EPHA6: variants seen among roughly 807,000 people sequenced by gnomAD.
EPHA6 encodes the protein EPH receptor A6.
Under a neutral mutation model 112.0 loss-of-function variants are expected in EPHA6, and 50 were observed. That is an observed-to-expected ratio of 0.45 (90% confidence interval 0.36 to 0.56). The LOEUF (loss-of-function observed/expected upper bound fraction) is 0.56. EPHA6 is among the 20% of genes least tolerant of loss of function. EPHA6 has a pLI of 0.00. For missense variants in EPHA6, 1,280 were observed against 1,417.4 expected (o/e 0.90, Z 1.56); for synonymous variants, 529 against 490.7 (o/e 1.08, Z -1.03).
intron 3 of EPHA6, among the ~76,000 whole-genome samples, chr3:97,136,004 T>G (rs1172061436): frequency 6.6e-6 from 1 of 152,140 alleles, no homozygotes; most frequent in African/African-American, 2.4e-5. Context: ...TCTACTAAGG[T>G]ATTGGATCTA....
At chr3:97,016,780 G>A (rs952786873) in intron 3 of EPHA6, among the ~76,000 whole-genome samples, 3 of 152,052 alleles carry the variant, frequency 2.0e-5, no homozygotes, top group Admixed American at 6.6e-5. Flanking sequence ...GTTGGTTAAC[G>A]TGTTCTAGAA....
intron 5 of EPHA6, among the ~76,000 whole-genome samples, chr3:97,322,800 TA>T (rs970334596): frequency 1.3e-5 from 2 of 151,964 alleles, no homozygotes; most frequent in African/African-American, 4.8e-5. Flanking sequence ...ACTAAGACTT[TA>T]AAAAAATCTA....
chr3:96,834,651 C>G (rs368701963), intron 1 of EPHA6, among the ~76,000 whole-genome samples: 2 of 151,880 alleles, frequency 1.3e-5, no homozygotes, highest in South Asian at 2.1e-4. Context: ...ATTTTTAAAG[C>G]AGAGATAGCT....
chr3:97,327,983 A>ATATATGTATATGTGTATG (rs2082542483), intron 5 of EPHA6, among the ~76,000 whole-genome samples: 1 of 140,626 alleles, frequency 7.1e-6, no homozygotes, highest in Non-Finnish European at 1.5e-5. Flanking sequence ...ATATGTGCAT[A>ATATATGTATATGTGTATG]TATATGTATA....
intron 5 of EPHA6, among the ~76,000 whole-genome samples, chr3:97,402,509 CT>C (rs2087053477): frequency 6.6e-6 from 1 of 152,016 alleles, no homozygotes; most frequent in Non-Finnish European, 1.5e-5. Context: ...CATTCCTTCA[CT>C]TTCAGTCTAT....
At chr3:97,141,031 A>G (rs909412888) in intron 3 of EPHA6, among the ~76,000 whole-genome samples, 1 of 152,144 alleles carries the variant, frequency 6.6e-6, no homozygotes, top group Non-Finnish European at 1.5e-5. Flanking sequence ...GTAGCTATAC[A>G]TATATCAGAT....
chr3:97,420,836 GACAA>G (rs536085249), intron 6 of EPHA6, among the ~76,000 whole-genome samples: 4,806 of 141,478 alleles, frequency 0.034, 256 homozygotes, highest in African/African-American at 0.12. Context: ...TAGAAAAAAA[GACAA>G]ACAGACAAAA....
intron 5 of EPHA6, among the ~76,000 whole-genome samples, chr3:97,260,948 A>T (rs2079480948): frequency 1.3e-5 from 2 of 152,214 alleles, no homozygotes; most frequent in African/African-American, 4.8e-5. Flanking sequence ...CCTCAGCCAG[A>T]TGCAAACACC....
intron 3 of EPHA6, among the ~76,000 whole-genome samples, chr3:97,038,794 G>A (rs2098369029): frequency 6.6e-6 from 1 of 151,474 alleles, no homozygotes; most frequent in Non-Finnish European, 1.5e-5. Context: ...GAAATTGTGA[G>A]TCGGGGGGAA....
chr3:97,016,619 G>A (rs1439551001), intron 3 of EPHA6, among the ~76,000 whole-genome samples: 1 of 152,082 alleles, frequency 6.6e-6, no homozygotes, highest in East Asian at 1.9e-4. Flanking sequence ...GGTAAGTTTT[G>A]ACGTATGTCT....
At chr3:97,443,843 G>C (rs1226091106) in intron 6 of EPHA6, among the ~76,000 whole-genome samples, 5 of 152,074 alleles carry the variant, frequency 3.3e-5, no homozygotes, top group African/African-American at 1.2e-4. Context: ...CTAGTGTATA[G>C]ATAGTTAAGA....
At chr3:97,073,318 G>A (rs576682930) in intron 3 of EPHA6, among the ~76,000 whole-genome samples, 19 of 152,104 alleles carry the variant, frequency 1.2e-4, no homozygotes, top group African/African-American at 4.1e-4. Flanking sequence ...GAAATGAAAA[G>A]GATTTCCTTA....
intron 5 of EPHA6, among the ~76,000 whole-genome samples, chr3:97,323,574 T>G (rs1342857813): frequency 6.6e-6 from 1 of 151,926 alleles, no homozygotes; most frequent in Non-Finnish European, 1.5e-5. Context: ...ACTAAACTTA[T>G]GAAACTTGTT....
Position 97,344,416 on chromosome 3 carries a change from G to A in EPHA6, c.1607-60734G>A, listed in dbSNP as rs2083443921. On this transcript the variant is annotated intron_variant, in intron 5 of 17. Coordinates refer to ENST00000389672, the MANE Select transcript of EPHA6 (RefSeq NM_001080448.3). ...GGGAAGTAAGTACATCATGAGGGTA[G>A]AACCCTCCTAATGGGATTAGTGCCC... Among the ~76,000 whole-genome samples, 6 of 152,248 alleles carry A rather than the reference G, an allele frequency of 3.9e-5. No homozygotes were observed. The South Asian group carries it at 1.2e-3, about 32-fold the overall frequency.
At chr3:97,598,376 T>C (rs2093612430) in intron 12 of EPHA6, among the ~76,000 whole-genome samples, 1 of 149,522 alleles carries the variant, frequency 6.7e-6, no homozygotes, top group South Asian at 2.1e-4. Context: ...TAACTCGTCA[T>C]CTAGCATTAG....
intron 12 of EPHA6, chr3:97,606,047 G>T (rs749658005): frequency 2.0e-5 from 3 of 151,430 alleles, no homozygotes; most frequent in Admixed American, 6.6e-5. Flanking sequence ...GATTGTAAAT[G>T]AACTTAATTA....
chr3:97,067,809 G>A (rs796705018), intron 3 of EPHA6, among the ~76,000 whole-genome samples: 163 of 152,072 alleles, frequency 1.1e-3, no homozygotes, highest in African/African-American at 3.8e-3. Context: ...GATTACTGAC[G>A]TGTCAAGAAG....
intron 10 of EPHA6, among the ~76,000 whole-genome samples, chr3:97,498,330 CAAAAA>C (rs1297962805): frequency 1.7e-5 from 1 of 58,496 alleles, no homozygotes. Flanking sequence ...AAGAAAATAG[CAAAAA>C]AAAAAAAAAA....
chr3:96,902,720 A>G (rs1339311851), intron 2 of EPHA6, among the ~76,000 whole-genome samples: 1 of 152,200 alleles, frequency 6.6e-6, no homozygotes. Flanking sequence ...AGCCAGAAGC[A>G]GAAGAGGGGA....
Sources: allele counts gnomAD v4.1 joint callset (sites outside exome capture counted in the v4.1 genomes callset), GRCh38; gene constraint gnomAD v4.1.1; transcripts MANE v1.5; gene names NCBI Gene and HGNC (gene_info 2026-07-23, HGNC 2026-07-21).